The following ZNF800 variants were observed in gnomAD, a reference collection of about 807,000 sequenced individuals.
ZNF800 encodes zinc finger protein 800.
Under a neutral mutation model 59.5 loss-of-function variants are expected in ZNF800, and 13 were observed. The ratio of observed to expected loss-of-function variants is 0.22; its 90% CI spans 0.14 to 0.35. The LOEUF (loss-of-function observed/expected upper bound fraction) is 0.35. ZNF800 is among the 10% of genes least tolerant of loss of function. ZNF800 has a pLI of 1.00. For synonymous variants in ZNF800, 266 were observed against 265.7 expected (o/e 1.00, Z -0.01); for missense variants, 621 against 783.7 (o/e 0.79, Z 2.48).
At chr7:127,347,339 T>C (rs893630686) in exon 2 of ZNF800, 3 of 114,278 alleles carry the variant, frequency 2.6e-5, no homozygotes, top group African/African-American at 3.4e-5. Flanking sequence ...TGGACAGTTA[T>C]TAAAACAATC....
At chr7:127,368,237 T>C (rs1800553836), downstream of ZNF800, among the ~76,000 whole-genome samples, 2 of 152,020 alleles carry the variant, frequency 1.3e-5, no homozygotes, top group African/African-American at 2.4e-5. Context: ...TAATTGTAGG[T>C]TTTAAGTGAG....
Position 127,391,565 on chromosome 7 carries a change from G to A in ZNF800, c.-8C>T, listed in dbSNP as rs777552708. On this transcript the variant is annotated 5_prime_UTR_variant, in exon 2 of 6. Coordinates refer to ENST00000265827, the MANE Select transcript of ZNF800 (RefSeq NM_176814.5). ...TTTGTCCCTTAAAGGCATTTTCAGT[G>A]GACTCGACCTACTTTGCTTTCACTG... 2 of 1,613,882 alleles carry A rather than the reference G, an allele frequency of 1.2e-6. No homozygotes were observed. The highest frequency in any genetic ancestry group is 4.5e-5 in the East Asian group (2 of 44,874).
At chr7:127,391,992 G>A (rs1196586335) in intron 1 of ZNF800, 68 bp downstream of exon 1, 4 of 383,868 alleles carry the variant, frequency 1.0e-5, no homozygotes, top group South Asian at 1.4e-4. Context: ...GCGCCCTCCC[G>A]CTACGCACGT....
chr7:127,349,031 A>G (rs1448993463), intron 1 of ZNF800, among the ~76,000 whole-genome samples: 2 of 152,100 alleles, frequency 1.3e-5, no homozygotes, highest in African/African-American at 4.8e-5. Context: ...GTGACATTAT[A>G]TCTTATTTAA....
chr7:127,389,204 A>G (rs1295737208), intron 2 of ZNF800, among the ~76,000 whole-genome samples: 1 of 152,160 alleles, frequency 6.6e-6, no homozygotes, highest in African/African-American at 2.4e-5. Flanking sequence ...GGAGGGGAGG[A>G]GAGAATATAG....
At position 127,374,396 on chromosome 7, in the gene ZNF800, T is replaced by C; in HGVS notation, c.940A>G (p.Arg314Gly). 1 of 1,614,014 alleles carries C rather than the reference T, an allele frequency of 6.2e-7. No homozygotes were observed. Among genetic ancestry groups the C allele is most frequent in the Non-Finnish European group, 8.5e-7 (1 of 1,180,000 alleles). ...RHFDEVHRGL[R>G]RDSITPDIAT... The stretch of plus-strand genomic sequence containing the variant: ...ATATCAGGAGTAATTGAATCCCTCC[T>C]TAGTCCTCTATGAACTTCATCAAAA... Residue 314 changes from arginine to glycine, a missense_variant, in exon 5 of 6, where the codon AGG becomes GGG. By Grantham distance (125) the Arg-to-Gly change is moderately radical. Around this residue, in one of 7 missense-constraint regions of ZNF800, gnomAD observed 9 missense variants for 37.0 expected, o/e 0.24. Coordinates refer to ENST00000265827, the MANE Select transcript of ZNF800 (RefSeq NM_176814.5).
chr7:127,388,924 TATC>T (rs981293333), intron 2 of ZNF800, among the ~76,000 whole-genome samples: 3 of 152,142 alleles, frequency 2.0e-5, no homozygotes, highest in Non-Finnish European at 2.9e-5. Context: ...TTACATAGCC[TATC>T]ATCCTCCCAA....
At chr7:127,368,860 T>A (rs1481460355), downstream of ZNF800, among the ~76,000 whole-genome samples, 1 of 151,950 alleles carries the variant, frequency 6.6e-6, no homozygotes, top group Non-Finnish European at 1.5e-5. Flanking sequence ...ATAAATATAT[T>A]CCTAAAAAAT....
intron 2 of ZNF800, among the ~76,000 whole-genome samples, chr7:127,388,301 AAG>A (rs1249547455): frequency 1.3e-5 from 2 of 152,214 alleles, no homozygotes; most frequent in African/African-American, 4.8e-5. Context: ...ATCTTAGAGA[AAG>A]AGAATTAAAC....
At chr7:127,356,269 G>A (rs199663640) in intron 1 of ZNF800, among the ~76,000 whole-genome samples, 4 of 124,680 alleles carry the variant, frequency 3.2e-5, no homozygotes, top group South Asian at 5.8e-4. Flanking sequence ...GTGTGTGTGT[G>A]TATGTGTGTG....
intron 1 of ZNF800, among the ~76,000 whole-genome samples, chr7:127,352,407 A>G (rs1196567290): frequency 6.6e-6 from 1 of 152,218 alleles, no homozygotes; most frequent in African/African-American, 2.4e-5. Context: ...GAAATGAAGA[A>G]AGCAAAAGCT....
rs563589727 is a variant in ZNF800, at chr7:127,384,354, C to T, written c.157+1706G>A. On this transcript the variant is annotated intron_variant, in intron 3 of 5. Transcript: ENST00000265827. ...GTTCACGCCATTCTCCTGCCTCAGC[C>T]TCTCGAGTAGCTGAGACTACAGGCG... is the stretch of plus-strand genomic sequence containing the variant. Among the ~76,000 whole-genome samples, 4 of 150,368 alleles carry T rather than the reference C, an allele frequency of 2.7e-5. 1 individual carries two copies. The highest frequency in any genetic ancestry group is 4.4e-5 in the Non-Finnish European group (3 of 67,780).
chr7:127,355,714 G>A (rs1800258218), intron 1 of ZNF800, among the ~76,000 whole-genome samples: 2 of 151,906 alleles, frequency 1.3e-5, no homozygotes, highest in Non-Finnish European at 1.5e-5. Context: ...ATAGTAACTT[G>A]GCTAAAAATA....
chr7:127,359,888 A>T (rs1800362229), intron 1 of ZNF800: 1 of 150,666 alleles, frequency 6.6e-6, no homozygotes, highest in African/African-American at 2.5e-5. Context: ...AGAATAAGCA[A>T]GAGTAGGAAA....
Position 127,372,729 on chromosome 7 carries a change from C to T in ZNF800, c.1994+613G>A, listed in dbSNP as rs1046353734. ...GGAGAAGGAAAAAAAATCCAAACTT[C>T]TATTTACCACCAACTTTCCCCCTTT... On this transcript the variant is annotated intron_variant, in intron 5 of 5. Transcript: ENST00000265827. 17 of 985,346 alleles carry T rather than the reference C, an allele frequency of 1.7e-5. 1 individual carries two copies. The South Asian group carries it at 6.1e-4, about 35-fold the overall frequency. The allele number at this position is 985,346 out of a possible 1,614,324, so 61.0% of individuals were successfully genotyped here.
At chr7:127,361,798 A>G (rs1221490470) in intron 1 of ZNF800, 1 of 152,168 alleles carries the variant, frequency 6.6e-6, no homozygotes, top group Non-Finnish European at 1.5e-5. Flanking sequence ...TTCATTCCAT[A>G]TGTTCTAAAT....
chr7:127,381,600 GA>G (rs1440044927), intron 3 of ZNF800, among the ~76,000 whole-genome samples: 2 of 151,876 alleles, frequency 1.3e-5, no homozygotes, highest in Non-Finnish European at 2.9e-5. Flanking sequence ...TTACTCATTG[GA>G]AATATGAAAG....
intron 2 of ZNF800, among the ~76,000 whole-genome samples, chr7:127,391,277 A>G (rs1801303490): frequency 6.6e-6 from 1 of 152,204 alleles, no homozygotes. Context: ...TCTTGTGGAA[A>G]TGATTTAAGG....
At chr7:127,349,546 G>C (rs913761254) in intron 1 of ZNF800, among the ~76,000 whole-genome samples, 4 of 152,170 alleles carry the variant, frequency 2.6e-5, no homozygotes, top group African/African-American at 4.8e-5. Flanking sequence ...TTATTGGAAT[G>C]TTGCTTTGTT....
Sources: gnomAD v4.1 joint callset for allele counts (sites outside exome capture counted in the v4.1 genomes callset) on GRCh38, gnomAD v4.1.1 for gene constraint, gnomAD v4.1.1 regional missense constraint, MANE v1.5 for transcripts, NCBI Gene and HGNC (gene_info 2026-07-23, HGNC 2026-07-21) for gene names.